The following RNGTT variants were observed in gnomAD, a reference collection of about 807,000 sequenced individuals.
RNGTT encodes RNA guanylyltransferase and 5'-phosphatase, also known as mRNA-capping enzyme.
In RNGTT, 33 loss-of-function variants were observed where a neutral mutation model predicts 79.3. That is an observed-to-expected ratio of 0.42 (90% CI 0.32 to 0.56). The LOEUF (loss-of-function observed/expected upper bound fraction) is 0.56. Among genes scored for constraint, RNGTT ranks in the 20% least tolerant of loss-of-function variants. The pLI is 0.17. For missense variants in RNGTT, 497 were observed against 739.1 expected (o/e 0.67, Z 3.80); for synonymous variants, 222 against 235.9 (o/e 0.94, Z 0.54).
At chr6:88,956,958 G>A (rs1020471835) in intron 1 of RNGTT, among the ~76,000 whole-genome samples, 6 of 152,122 alleles carry the variant, frequency 3.9e-5, no homozygotes, top group African/African-American at 9.7e-5. Context: ...ACTTGAACCC[G>A]GGAGGCAGAG....
At chr6:88,878,076 GTTTA>G (rs201880221) in intron 8 of RNGTT, among the ~76,000 whole-genome samples, 461 of 150,578 alleles carry the variant, frequency 3.1e-3, no homozygotes, top group African/African-American at 4.5e-3. Context: ...AATTTCATTT[GTTTA>G]TTTATTTATT....
rs1328156928 is a variant in RNGTT, at chr6:88,769,710, T to G, written c.1439+64A>C. 4 of 931,270 alleles carry G rather than the reference T, an allele frequency of 4.3e-6. No homozygotes were observed. The East Asian group carries it at 7.3e-5, about 17-fold the overall frequency. The allele number at this position is 931,270 out of a possible 1,614,324, so 57.7% of individuals were successfully genotyped here. ...TGTAAAGTATATATGAAATACCCTGTAAAAGGTGAAGCCTTACACAAACAG... is the reference window on the plus strand; with the variant it reads ...TGTAAAGTATATATGAAATACCCTGGAAAAGGTGAAGCCTTACACAAACAG... On this transcript the variant is annotated intron_variant, in intron 13 of 15. Transcript: ENST00000369485.
chr6:88,811,602 G>A (rs1170577565), intron 11 of RNGTT, among the ~76,000 whole-genome samples: 1 of 152,070 alleles, frequency 6.6e-6, no homozygotes, highest in Non-Finnish European at 1.5e-5. Flanking sequence ...AGCATAGAAA[G>A]GAGCCTTTTA....
chr6:88,712,660 T>C (rs1183733486), intron 13 of RNGTT, among the ~76,000 whole-genome samples: 3 of 152,222 alleles, frequency 2.0e-5, no homozygotes, highest in Non-Finnish European at 1.5e-5. Context: ...AACTGAGCTA[T>C]GGTCTCTAAT....
chr6:88,794,781 T>C (rs1186099650), intron 12 of RNGTT, among the ~76,000 whole-genome samples: 2 of 152,214 alleles, frequency 1.3e-5, no homozygotes, highest in African/African-American at 2.4e-5. Flanking sequence ...CTGAAGCAAT[T>C]TGGCAATTAG....
At chr6:88,643,210 G>C (rs1773392779) in intron 14 of RNGTT, among the ~76,000 whole-genome samples, 1 of 150,010 alleles carries the variant, frequency 6.7e-6, no homozygotes, top group African/African-American at 2.5e-5. Flanking sequence ...GACCAGGTCT[G>C]AAAAAAAAAG....
chr6:88,803,444 C>T (rs752667504), intron 11 of RNGTT, among the ~76,000 whole-genome samples: 35 of 151,532 alleles, frequency 2.3e-4, no homozygotes, highest in Admixed American at 5.9e-4. Context: ...TGTGGTGGCG[C>T]GCGCCTGTAG....
chr6:88,683,044 T>C (rs973213745), intron 13 of RNGTT, among the ~76,000 whole-genome samples: 5 of 152,268 alleles, frequency 3.3e-5, no homozygotes, highest in East Asian at 3.9e-4. Context: ...AAATGCTTTA[T>C]AGAAATTGAT....
At position 88,798,288 on chromosome 6, in the gene RNGTT, A is replaced by G. The variant is rs989347912; in HGVS notation, c.1338+3276T>C. Among the ~76,000 whole-genome samples the G allele has an allele frequency of 2.0e-5, 3 of 151,964 alleles. No individual in the cohort carries two copies. In the East Asian group the frequency reaches 5.8e-4, roughly 29 times the overall value. The stretch of plus-strand genomic sequence containing the variant: ...TAGACCAGCCTCGGCAACAAGGCAA[A>G]ACCCCGTATCTACGAAAAATACAAA... On this transcript the variant is annotated intron_variant, in intron 12 of 15. Coordinates refer to ENST00000369485, the MANE Select transcript of RNGTT (RefSeq NM_003800.5).
intron 13 of RNGTT, among the ~76,000 whole-genome samples, chr6:88,695,978 T>C (rs575690976): frequency 2.0e-5 from 3 of 152,110 alleles, no homozygotes; most frequent in Non-Finnish European, 4.4e-5. Flanking sequence ...AGTTGAATGG[T>C]TGGTGGTGAC....
chr6:88,744,318 G>C (rs958844879), intron 13 of RNGTT, among the ~76,000 whole-genome samples: 3 of 151,960 alleles, frequency 2.0e-5, no homozygotes, highest in Non-Finnish European at 4.4e-5. Context: ...CTGGAGTGCA[G>C]TGGCTTGATC....
chr6:88,667,606 C>T (rs940902748), intron 14 of RNGTT, among the ~76,000 whole-genome samples: 2 of 152,088 alleles, frequency 1.3e-5, no homozygotes, highest in Non-Finnish European at 2.9e-5. Context: ...TTATCCAACA[C>T]GAACTGAGAA....
At chr6:88,621,867 A>G (rs555897317) in intron 14 of RNGTT, among the ~76,000 whole-genome samples, 2 of 152,216 alleles carry the variant, frequency 1.3e-5, no homozygotes, top group South Asian at 4.2e-4. Context: ...AGTTGGCATG[A>G]TAATAAAGTT....
intron 12 of RNGTT, among the ~76,000 whole-genome samples, chr6:88,801,283 TAAAAGA>T (rs1779773354): frequency 6.6e-6 from 1 of 152,224 alleles, no homozygotes; most frequent in African/African-American, 2.4e-5. Flanking sequence ...CTAATTATAT[TAAAAGA>T]CTGGTTTCTT....
intron 14 of RNGTT, among the ~76,000 whole-genome samples, chr6:88,642,106 T>C (rs931543402): frequency 2.6e-5 from 4 of 152,064 alleles, no homozygotes; most frequent in Non-Finnish European, 4.4e-5. Flanking sequence ...CAGGAGGGTG[T>C]AGAGATACCT....
intron 14 of RNGTT, among the ~76,000 whole-genome samples, chr6:88,634,846 GGA>G (rs1179697114): frequency 6.6e-6 from 1 of 151,944 alleles, no homozygotes; most frequent in Admixed American, 6.6e-5. Flanking sequence ...TAATCAATGT[GGA>G]GAGAAAAATG....
intron 14 of RNGTT, among the ~76,000 whole-genome samples, chr6:88,658,211 C>T (rs1023420456): frequency 3.3e-5 from 5 of 152,198 alleles, no homozygotes; most frequent in Non-Finnish European, 7.3e-5. Context: ...CAGCTAATTC[C>T]ACCACCTGCA....
chr6:88,926,822 G>A (rs989173108), intron 4 of RNGTT, among the ~76,000 whole-genome samples: 3 of 152,166 alleles, frequency 2.0e-5, no homozygotes, highest in East Asian at 3.8e-4. Flanking sequence ...TGTGTGACAT[G>A]GTTTACACAA....
chr6:88,636,578 A>C (rs1242419840), intron 14 of RNGTT, among the ~76,000 whole-genome samples: 1 of 151,980 alleles, frequency 6.6e-6, no homozygotes, highest in African/African-American at 2.4e-5. Context: ...TTTCTTTTAT[A>C]GATCTTTAAG....
Sources: allele counts gnomAD v4.1 joint callset (sites outside exome capture counted in the v4.1 genomes callset), GRCh38; gene constraint gnomAD v4.1.1; transcripts MANE v1.5; gene names NCBI Gene and HGNC (gene_info 2026-07-23, HGNC 2026-07-21).